SMIM31: variants seen among roughly 807,000 people sequenced by gnomAD.
SMIM31 encodes the protein small integral membrane protein 31.
intron 1 of SMIM31, among the ~76,000 whole-genome samples, chr4:164,755,709 C>A (rs1423171287): frequency 1.3e-5 from 2 of 151,734 alleles, no homozygotes; most frequent in Non-Finnish European, 2.9e-5. Flanking sequence ...GCCTTTTGTC[C>A]CATGTGATAA....
chr4:164,769,008 T>G (rs1046603493), intron 1 of SMIM31, among the ~76,000 whole-genome samples: 2 of 152,168 alleles, frequency 1.3e-5, no homozygotes, highest in Non-Finnish European at 2.9e-5. Flanking sequence ...CCCAGTGATC[T>G]TTGTCTCCCC....
intron 2 of SMIM31, among the ~76,000 whole-genome samples, chr4:164,798,030 C>T (rs1733227763): frequency 6.6e-6 from 1 of 152,092 alleles, no homozygotes. Context: ...ATAATGGCCT[C>T]CAGTTCCATC....
chr4:164,783,417 G>A (rs1045097803), intron 2 of SMIM31, among the ~76,000 whole-genome samples: 7 of 150,826 alleles, frequency 4.6e-5, no homozygotes, highest in Admixed American at 1.3e-4. Flanking sequence ...CCAGCTTCTC[G>A]GGAGGCTGAG....
intron 2 of SMIM31, among the ~76,000 whole-genome samples, chr4:164,788,383 T>C (rs935131293): frequency 6.6e-6 from 1 of 151,498 alleles, no homozygotes; most frequent in Non-Finnish European, 1.5e-5. Context: ...TCACCAAACT[T>C]AATGCCCTGG....
At chr4:164,759,155 T>C (rs1317719627) in intron 1 of SMIM31, among the ~76,000 whole-genome samples, 2 of 152,148 alleles carry the variant, frequency 1.3e-5, no homozygotes, top group African/African-American at 4.8e-5. Flanking sequence ...AGAATATTAG[T>C]CCGCAATTTA....
intron 2 of SMIM31, among the ~76,000 whole-genome samples, chr4:164,798,967 T>G (rs558634850): frequency 1.6e-4 from 24 of 152,298 alleles, no homozygotes; most frequent in Admixed American, 1.0e-3. Context: ...GTGAAGTGTC[T>G]GCTCCCATTT....
chr4:164,779,351 G>A (rs1240338114), intron 2 of SMIM31, among the ~76,000 whole-genome samples: 6 of 152,164 alleles, frequency 3.9e-5, no homozygotes, highest in African/African-American at 1.4e-4. Flanking sequence ...CAGTTAAATT[G>A]TTAGGAAAAA....
rs1268874381 is a variant in SMIM31, at chr4:164,792,895, A to T, written c.113-8196A>T. 2.0e-5 allele frequency among the ~76,000 whole-genome samples: 3 copies of T among 152,340 alleles called. No individual in the cohort carries two copies. In the East Asian group the frequency reaches 5.8e-4, roughly 29 times the overall value. On this transcript the variant is annotated intron_variant, in intron 2 of 2. Transcript: ENST00000507311. The stretch of plus-strand genomic sequence containing the variant: ...ATTACAAAGCCACAGTAATCAATAC[A>T]GTGTAGCACTGGCATAAAAACAGAA...
intron 2 of SMIM31, among the ~76,000 whole-genome samples, chr4:164,779,479 A>G (rs988656255): frequency 2.0e-5 from 3 of 152,212 alleles, no homozygotes; most frequent in Admixed American, 1.3e-4. Flanking sequence ...TAGACTTTCT[A>G]TTATTTCACA....
chr4:164,786,588 T>C (rs1394432257), intron 2 of SMIM31, among the ~76,000 whole-genome samples: 1 of 152,146 alleles, frequency 6.6e-6, no homozygotes, highest in African/African-American at 2.4e-5. Flanking sequence ...TGCTCTTTTC[T>C]ACCATTATTG....
At chr4:164,799,910 T>C (rs940074267) in intron 2 of SMIM31, among the ~76,000 whole-genome samples, 1 of 152,332 alleles carries the variant, frequency 6.6e-6, no homozygotes, top group Middle Eastern at 3.4e-3. Flanking sequence ...ACTAATGATA[T>C]AAATGGACAG....
intron 2 of SMIM31, among the ~76,000 whole-genome samples, chr4:164,795,678 C>CA (rs1264046242): frequency 6.7e-6 from 1 of 150,094 alleles, no homozygotes; most frequent in Non-Finnish European, 1.5e-5. Context: ...TTGGGAAGAG[C>CA]AAATGTTTAA....
In SMIM31 at chr4:164,758,622, C is replaced by CTTTTTTTTTTTTTTTT. The variant is rs779023276; in HGVS notation, c.-26+4218_-26+4219insTTTTTTTTTTTTTTTT. Among the ~76,000 whole-genome samples the CTTTTTTTTTTTTTTTT allele has an allele frequency of 4.7e-5, 5 of 105,390 alleles. 2 individuals are homozygous for CTTTTTTTTTTTTTTTT. The highest frequency in any genetic ancestry group is 3.1e-4 in the South Asian group (1 of 3,252). The allele number at this position is 105,390 out of a possible 152,430, so 69.1% of individuals were successfully genotyped here. ...GGAAATGACCATATATGTAGTTTTCCTTTTTTTGTTTTTTTTTTTTTTTTT... is the reference window on the plus strand; with the variant it reads ...GGAAATGACCATATATGTAGTTTTCCTTTTTTTTTTTTTTTTTTTTTTTGTTTTTTTTTTTTTTTTT... On this transcript the variant is annotated intron_variant, in intron 1 of 2. Coordinates refer to ENST00000507311, the MANE Select transcript of SMIM31 (RefSeq NM_001352885.1).
intron 1 of SMIM31, among the ~76,000 whole-genome samples, chr4:164,760,154 G>A (rs1057449436): frequency 6.6e-6 from 1 of 152,168 alleles, no homozygotes; most frequent in African/African-American, 2.4e-5. Flanking sequence ...GAGAAAGTCA[G>A]AGACAAAGCA....
chr4:164,772,830 G>T (rs942405352), intron 2 of SMIM31, among the ~76,000 whole-genome samples: 1 of 151,084 alleles, frequency 6.6e-6, no homozygotes, highest in Non-Finnish European at 1.5e-5. Flanking sequence ...CGCCCGCCTC[G>T]GCCTCCCAAA....
intron 2 of SMIM31, among the ~76,000 whole-genome samples, chr4:164,799,380 G>A (rs896110359): frequency 6.6e-6 from 1 of 151,712 alleles, no homozygotes; most frequent in African/African-American, 2.4e-5. Flanking sequence ...GCAAGCCCCT[G>A]TCTCAAAAAA....
rs1414056276 is a variant in SMIM31, at chr4:164,802,495, C to A, written c.*1301C>A. ...CAAGCGATCCTCTGCCTTAGCCTCC[C>A]AAAGCACTGGGATTACACGCATGAG... is the stretch of plus-strand genomic sequence containing the variant. On this transcript the variant is annotated 3_prime_UTR_variant, in exon 3 of 3. Transcript: ENST00000507311. 6.6e-6 allele frequency: 1 copy of A among 152,294 alleles called. No homozygotes were observed. Among genetic ancestry groups the A allele is most frequent in the East Asian group, 1.9e-4 (1 of 5,194 alleles). 9.4% of individuals were successfully genotyped at this position (152,294 alleles called of 1,614,324 possible).
chr4:164,801,120 A>G lies in SMIM31; in HGVS notation c.142A>G (p.Lys48Glu), dbSNP rs1733278134. 1 of 398,896 alleles carries G rather than the reference A, an allele frequency of 2.5e-6. No individual in the cohort carries two copies. Among genetic ancestry groups the G allele is most frequent in the South Asian group, 1.3e-4 (1 of 7,862 alleles). The allele number at this position is 398,896 out of a possible 1,614,324, so 24.7% of individuals were successfully genotyped here. ...AGAACATGAAAAAAAGGGAAGGGAA[A>G]AGAAAAGGAAAAAGTCTGAAAAGAA... is the stretch of plus-strand genomic sequence containing the variant. ...EEEHEKKGRE[K>E]KRKKSEKKKN... The change falls in exon 3 of 3, where the codon AAG (lysine) becomes GAG (glutamate). Residue 48 changes from lysine to glutamate, a missense_variant. Coordinates refer to ENST00000507311, the MANE Select transcript of SMIM31 (RefSeq NM_001352885.1).
At chr4:164,755,868 T>C (rs1016239941) in intron 1 of SMIM31, among the ~76,000 whole-genome samples, 4 of 152,232 alleles carry the variant, frequency 2.6e-5, no homozygotes, top group South Asian at 2.1e-4. Context: ...TGTTCAAACA[T>C]AGAGAAAAAT....
Sources: gnomAD v4.1 joint callset for allele counts (sites outside exome capture counted in the v4.1 genomes callset) on GRCh38, gnomAD v4.1.1 for gene constraint, MANE v1.5 for transcripts, NCBI Gene and HGNC (gene_info 2026-07-23, HGNC 2026-07-21) for gene names.